The following MAF variants were observed in gnomAD, a reference collection of about 807,000 sequenced individuals.
MAF encodes the protein transcription factor Maf.
MAF carries 10 observed loss-of-function variants against 22.0 expected under a neutral mutation model. The ratio of observed to expected loss-of-function variants is 0.45; its 90% CI spans 0.28 to 0.77. The LOEUF is 0.77. Among genes scored for constraint, MAF ranks in the 30% least tolerant of loss-of-function variants. The probability of loss-of-function intolerance (pLI) is 0.12; values close to 1 mark genes in which losing one functional copy is unlikely to be tolerated. For synonymous variants in MAF, 337 were observed against 255.8 expected (o/e 1.32, Z -3.03); for missense variants, 544 against 548.4 (o/e 0.99, Z 0.08).
chr16:79,590,493 G>C (rs1461711062), downstream of MAF, among the ~76,000 whole-genome samples: 2 of 152,186 alleles, frequency 1.3e-5, no homozygotes, highest in Non-Finnish European at 1.5e-5. Context: ...TGACTTTTGA[G>C]GCTCTTTCAT....
chr16:79,398,335 G>C, the MAF span, among the ~76,000 whole-genome samples: 3 of 152,300 alleles, frequency 2.0e-5, no homozygotes, highest in African/African-American at 4.8e-5. Context: ...TAATTAACTT[G>C]CAGTATGGAA....
the MAF span, among the ~76,000 whole-genome samples, chr16:79,571,718 G>T: frequency 2.0e-5 from 3 of 151,958 alleles, no homozygotes; most frequent in African/African-American, 7.3e-5. Context: ...AGGTCTACAA[G>T]GTTTCCAGCC....
chr16:79,477,051 C>G, the MAF span, among the ~76,000 whole-genome samples: 2 of 152,034 alleles, frequency 1.3e-5, no homozygotes, highest in Non-Finnish European at 2.9e-5. Flanking sequence ...TCTGACAAGG[C>G]CAATAGAAGT....
At chr16:79,518,770 C>T in the MAF span, among the ~76,000 whole-genome samples, 2 of 152,102 alleles carry the variant, frequency 1.3e-5, no homozygotes, top group East Asian at 3.9e-4. Context: ...ACTAAAAATA[C>T]AAAAATTAGC....
chr16:79,477,066 A>G, the MAF span, among the ~76,000 whole-genome samples: 1 of 152,184 alleles, frequency 6.6e-6, no homozygotes, highest in African/African-American at 2.4e-5. Flanking sequence ...AGAAGTCCCC[A>G]GAACACTCCA....
the MAF span, among the ~76,000 whole-genome samples, chr16:79,458,236 TATA>T: frequency 6.6e-6 from 1 of 151,812 alleles, no homozygotes; most frequent in Non-Finnish European, 1.5e-5. Context: ...CTCAATTAGC[TATA>T]ATATTAGAGA....
At chr16:79,340,592 G>C in the MAF span, among the ~76,000 whole-genome samples, 1 of 151,726 alleles carries the variant, frequency 6.6e-6, no homozygotes, top group African/African-American at 2.4e-5. Context: ...AATTCTTTGT[G>C]GTGGGACATT....
At chr16:79,214,894 C>A in the MAF span, among the ~76,000 whole-genome samples, 1 of 149,444 alleles carries the variant, frequency 6.7e-6, no homozygotes, top group African/African-American at 2.5e-5. Flanking sequence ...TATTTTCAGT[C>A]GAGATGGGTT....
intron 1 of MAF, chr16:79,596,796 C>T: frequency 2.9e-6 from 3 of 1,047,840 alleles, no homozygotes; most frequent in Non-Finnish European, 2.3e-6. Context: ...CACAATACAA[C>T]TGTAAAAAAA....
At chr16:79,393,005 A>G in the MAF span, among the ~76,000 whole-genome samples, 1 of 151,394 alleles carries the variant, frequency 6.6e-6, no homozygotes, top group Non-Finnish European at 1.5e-5. Flanking sequence ...CAATTAAAAG[A>G]CTCTCTTCCA....
At chr16:79,423,353 C>T in the MAF span, among the ~76,000 whole-genome samples, 7 of 152,068 alleles carry the variant, frequency 4.6e-5, no homozygotes, top group African/African-American at 7.2e-5. Flanking sequence ...AGGAGGCCAG[C>T]GTGTCCAAGA....
the MAF span, among the ~76,000 whole-genome samples, chr16:79,548,818 C>T: frequency 6.6e-6 from 1 of 152,154 alleles, no homozygotes; most frequent in African/African-American, 2.4e-5. Context: ...GTGGCAGACA[C>T]ACCAGAAGGT....
At chr16:79,480,460 C>T in the MAF span, among the ~76,000 whole-genome samples, 10 of 151,716 alleles carry the variant, frequency 6.6e-5, no homozygotes, top group Non-Finnish European at 2.9e-5. Context: ...AGAAGGGAGA[C>T]GAGTCTTCCT....
the MAF span, among the ~76,000 whole-genome samples, chr16:79,494,784 G>A: frequency 6.6e-6 from 1 of 152,118 alleles, no homozygotes; most frequent in African/African-American, 2.4e-5. Context: ...CATGAGACTG[G>A]TCCCATTTCA....
At chr16:79,397,474 G>A in the MAF span, among the ~76,000 whole-genome samples, 1 of 152,158 alleles carries the variant, frequency 6.6e-6, no homozygotes, top group Non-Finnish European at 1.5e-5. Flanking sequence ...AAGCCAGAAT[G>A]TTCTTTTTTA....
At chr16:79,595,914 C>T (rs1188793796) in intron 1 of MAF, 1 of 1,058,716 alleles carries the variant, frequency 9.4e-7, no homozygotes, top group Non-Finnish European at 1.1e-6. Flanking sequence ...AAATGATCTT[C>T]AGTGTTAAAG....
the MAF span, among the ~76,000 whole-genome samples, chr16:79,500,918 GA>G: frequency 2.0e-5 from 3 of 151,982 alleles, no homozygotes; most frequent in South Asian, 4.2e-4. Context: ...CTCTGTTAGG[GA>G]AAATTCACCG....
chr16:79,538,464 T>A, the MAF span, among the ~76,000 whole-genome samples: 6 of 152,144 alleles, frequency 3.9e-5, no homozygotes, highest in Admixed American at 3.9e-4. Flanking sequence ...GAAGAAAGTA[T>A]GGGGGAAGAA....
chr16:79,361,270 T>A, the MAF span, among the ~76,000 whole-genome samples: 1 of 152,120 alleles, frequency 6.6e-6, no homozygotes, highest in Non-Finnish European at 1.5e-5. Flanking sequence ...TTAACTTTAA[T>A]CTACCAGCAT....
Sources: gnomAD v4.1 joint callset for allele counts (sites outside exome capture counted in the v4.1 genomes callset) on GRCh38, gnomAD v4.1.1 for gene constraint, MANE v1.5 for transcripts, NCBI Gene and HGNC (gene_info 2026-07-23, HGNC 2026-07-21) for gene names.